Variants in CNTN6 observed in about 807,000 individuals in gnomAD.
CNTN6 encodes the protein contactin-6.
In CNTN6, 137 loss-of-function variants were observed where a neutral mutation model predicts 122.8. That is an observed-to-expected ratio of 1.12 (90% CI 0.97 to 1.29). CNTN6 has a LOEUF of 1.29. CNTN6 is among the 50% of genes most tolerant of loss of function. CNTN6 has a pLI of 0.00. For missense variants in CNTN6, 1,634 were observed against 1,223.4 expected, an observed-to-expected ratio of 1.34 and a Z score of -5.01; for synonymous variants, 570 against 426.0, an observed-to-expected ratio of 1.34 and a Z score of -4.16.
At chr3:1,236,228 G>A (rs1235533867) in intron 4 of CNTN6, among the ~76,000 whole-genome samples, 1 of 151,986 alleles carries the variant, frequency 6.6e-6, no homozygotes, top group Non-Finnish European at 1.5e-5. Flanking sequence ...CTCCGTATAG[G>A]ACCACAGCTG....
At chr3:1,133,934 C>G (rs1304752271) in intron 1 of CNTN6, among the ~76,000 whole-genome samples, 1 of 152,172 alleles carries the variant, frequency 6.6e-6, no homozygotes, top group African/African-American at 2.4e-5. Context: ...TACAGCCCTT[C>G]CCTTCCTGGA....
intron 2 of CNTN6, among the ~76,000 whole-genome samples, chr3:1,211,131 G>A (rs1382393860): frequency 1.3e-5 from 2 of 152,216 alleles, no homozygotes; most frequent in African/African-American, 4.8e-5. Context: ...GACTTCTGCG[G>A]TAGAAGATAT....
intron 8 of CNTN6, among the ~76,000 whole-genome samples, chr3:1,322,167 T>G (rs779963339): frequency 3.3e-5 from 5 of 151,684 alleles, no homozygotes; most frequent in Non-Finnish European, 7.4e-5. Flanking sequence ...ATTATAGCAA[T>G]CTTGATTCTA....
chr3:1,260,937 G>A (rs1212111966), intron 4 of CNTN6, among the ~76,000 whole-genome samples: 5 of 152,064 alleles, frequency 3.3e-5, no homozygotes, highest in South Asian at 4.1e-4. Flanking sequence ...TATTAGCAGT[G>A]TGTGAACAAA....
In CNTN6 at chr3:1,361,679, T is replaced by C. The variant is rs114460685; in HGVS notation, c.1492+9228T>C. 4.4e-3 allele frequency among the ~76,000 whole-genome samples: 672 copies of C among 152,274 alleles called. 5 individuals are homozygous for C. Among genetic ancestry groups the C allele is most frequent in the African/African-American group, 0.015 (633 of 41,576 alleles). ...ACATTAATAATAAAGGAGAATAATC[T>C]GTCTTAACTAGTTGAAGTAAGCTTA... On this transcript the variant is annotated intron_variant, in intron 12 of 22. Transcript: ENST00000446702.
intron 1 of CNTN6, among the ~76,000 whole-genome samples, chr3:1,126,227 A>T (rs1024541285): frequency 5.3e-5 from 8 of 151,918 alleles, no homozygotes; most frequent in Non-Finnish European, 1.2e-4. Flanking sequence ...GGAAAGGTAT[A>T]CCGAAAGTTG....
chr3:1,178,491 A>G (rs2093493995), intron 2 of CNTN6, among the ~76,000 whole-genome samples: 1 of 152,212 alleles, frequency 6.6e-6, no homozygotes, highest in South Asian at 2.1e-4. Context: ...GTTTTCCAGT[A>G]GAGCTTCAAT....
chr3:1,187,781 G>A (rs890989299), intron 2 of CNTN6, among the ~76,000 whole-genome samples: 2 of 152,206 alleles, frequency 1.3e-5, no homozygotes, highest in African/African-American at 4.8e-5. Flanking sequence ...CAAGAAGCTG[G>A]CTCTGCCCCT....
intron 2 of CNTN6, chr3:1,173,092 G>T (rs2093388400): frequency 5.1e-6 from 2 of 390,842 alleles, no homozygotes; most frequent in Non-Finnish European, 1.0e-5. Context: ...CACTTGTCTT[G>T]CTATTTGGAG....
chr3:1,388,854 G>A (rs1249715036), intron 20 of CNTN6, among the ~76,000 whole-genome samples: 1 of 145,268 alleles, frequency 6.9e-6, no homozygotes, highest in South Asian at 2.2e-4. Context: ...AAGAAGGGAA[G>A]TTTAGAGAAA....
At position 1,220,736 on chromosome 3, in the gene CNTN6, C is replaced by T. The variant is rs1355285678; in HGVS notation, c.105C>T (p.Val35=). The part of the protein sequence containing the change: ...RPIFTQEPHD[V]IFPLDLSKSE... ...TTTTTACTCAGGAGCCACATGATGT[C>T]ATTTTTCCTTTGGATTTATCAAAAT... Residue 35 remains valine (V), a synonymous_variant, in exon 3 of 23, where the codon GTC becomes GTT. Coordinates refer to ENST00000446702, the MANE Select transcript of CNTN6 (RefSeq NM_001289080.2). 1 of 1,613,308 alleles carries T rather than the reference C, an allele frequency of 6.2e-7. No individual in the cohort carries two copies. Among genetic ancestry groups the T allele is most frequent in the Non-Finnish European group, 8.5e-7 (1 of 1,179,588 alleles).
intron 7 of CNTN6, among the ~76,000 whole-genome samples, chr3:1,315,648 C>G (rs1039636157): frequency 6.6e-6 from 1 of 151,868 alleles, no homozygotes; most frequent in Admixed American, 6.6e-5. Flanking sequence ...ATACCATTTC[C>G]TTCAGTTTGG....
At chr3:1,229,792 T>C (rs1047832347) in intron 4 of CNTN6, among the ~76,000 whole-genome samples, 5 of 152,198 alleles carry the variant, frequency 3.3e-5, no homozygotes, top group Non-Finnish European at 5.9e-5. Context: ...TCCCATCTTA[T>C]CATAAAATTT....
intron 4 of CNTN6, among the ~76,000 whole-genome samples, chr3:1,256,498 A>G (rs960106943): frequency 1.3e-5 from 2 of 152,162 alleles, no homozygotes; most frequent in South Asian, 2.1e-4. Flanking sequence ...TAAAGAATTA[A>G]GAGTTCAATT....
intron 1 of CNTN6, among the ~76,000 whole-genome samples, chr3:1,145,607 C>T (rs1220971568): frequency 1.3e-5 from 2 of 152,040 alleles, no homozygotes; most frequent in Non-Finnish European, 2.9e-5. Flanking sequence ...CAATTGGATA[C>T]ATGGAAACTG....
intron 7 of CNTN6, among the ~76,000 whole-genome samples, chr3:1,304,981 C>A (rs1253118736): frequency 1.0e-5 from 1 of 96,804 alleles, no homozygotes; most frequent in Non-Finnish European, 2.2e-5. Context: ...CAGAATGAGA[C>A]TCTGTCAAAA....
chr3:1,389,989 T>C (rs976879932), intron 20 of CNTN6, among the ~76,000 whole-genome samples: 6 of 151,140 alleles, frequency 4.0e-5, no homozygotes, highest in East Asian at 1.9e-4. Context: ...CTGTCAACAT[T>C]AGACAGATCA....
At chr3:1,125,452 T>C (rs1857701) in intron 1 of CNTN6, among the ~76,000 whole-genome samples, 7,589 of 151,892 alleles carry the variant, frequency 0.05, 222 homozygotes, top group South Asian at 0.067. Flanking sequence ...ATTGCTGGTG[T>C]TCCCTGGCAG....
chr3:1,176,770 A>T (rs1258927648), intron 2 of CNTN6, among the ~76,000 whole-genome samples: 1 of 152,176 alleles, frequency 6.6e-6, no homozygotes, highest in Non-Finnish European at 1.5e-5. Context: ...TACAGACAAC[A>T]ATTCATAGAT....
Sources: gnomAD v4.1 joint callset for allele counts (sites outside exome capture counted in the v4.1 genomes callset) on GRCh38, gnomAD v4.1.1 for gene constraint, MANE v1.5 for transcripts, NCBI Gene and HGNC (gene_info 2026-07-23, HGNC 2026-07-21) for gene names.